The following ATP2B1 variants were observed in gnomAD, a reference collection of about 807,000 sequenced individuals.
The protein encoded by ATP2B1 is ATPase plasma membrane Ca2+ transporting 1.
A neutral mutation model predicts 124.2 loss-of-function variants in ATP2B1; 14 were observed. The observed-to-expected ratio is 0.11, with a 90% CI of 0.07 to 0.18. ATP2B1 has a LOEUF of 0.18. ATP2B1 is among the 10% of genes least tolerant of loss of function. ATP2B1 has a pLI of 1.00. For synonymous variants in ATP2B1, 449 were observed against 492.4 expected (o/e 0.91, Z 1.17); for missense variants, 763 against 1,466.1 (o/e 0.52, Z 7.83).
intron 1 of ATP2B1, among the ~76,000 whole-genome samples, chr12:89,670,798 A>T (rs2136515269): frequency 6.6e-6 from 1 of 152,292 alleles, no homozygotes; most frequent in East Asian, 1.9e-4. Context: ...AAGTACAAGT[A>T]ATCATTCGCC....
In ATP2B1 at chr12:89,630,942, A is replaced by T. The variant is rs535746155; in HGVS notation, c.788-297T>A. ...GCCACTACACTCTGCTAATTTTTTT[A>T]AAAAAATTTTGTAGAGACAGGGTCT... On this transcript the variant is annotated intron_variant, in intron 5 of 20. Transcript: ENST00000428670. Among the ~76,000 whole-genome samples, 8 of 151,670 alleles carry T rather than the reference A, an allele frequency of 5.3e-5. No homozygotes were observed. The East Asian group carries it at 5.8e-4, about 11-fold the overall frequency.
intron 1 of ATP2B1, among the ~76,000 whole-genome samples, chr12:89,702,954 T>C (rs948103955): frequency 2.6e-5 from 4 of 152,090 alleles, no homozygotes; most frequent in Admixed American, 1.3e-4. Flanking sequence ...GTGCCCACAG[T>C]TTATTTGGAC....
chr12:89,707,287 T>C (rs1892580872), intron 1 of ATP2B1, among the ~76,000 whole-genome samples: 1 of 152,108 alleles, frequency 6.6e-6, no homozygotes, highest in Non-Finnish European at 1.5e-5. Flanking sequence ...GATGAGAGCC[T>C]CATACAAACC....
chr12:89,636,278 T>C (rs1882698209), intron 3 of ATP2B1, among the ~76,000 whole-genome samples: 1 of 152,036 alleles, frequency 6.6e-6, no homozygotes, highest in Non-Finnish European at 1.5e-5. Flanking sequence ...TGGTGAAGAA[T>C]AACAGAACAG....
At chr12:89,608,510 C>T (rs1345282083) in intron 15 of ATP2B1, among the ~76,000 whole-genome samples, 1 of 147,072 alleles carries the variant, frequency 6.8e-6, no homozygotes, top group African/African-American at 2.5e-5. Flanking sequence ...TTGATGTTAT[C>T]ATTTAAAAAA....
intron 1 of ATP2B1, among the ~76,000 whole-genome samples, chr12:89,700,484 A>G (rs531868023): frequency 2.0e-5 from 3 of 152,324 alleles, no homozygotes; most frequent in Admixed American, 2.0e-4. Context: ...TTTGAGCATG[A>G]ATAGAGAAGA....
chr12:89,685,187 A>T (rs1362667480), intron 1 of ATP2B1, among the ~76,000 whole-genome samples: 11 of 98,216 alleles, frequency 1.1e-4, no homozygotes, highest in Non-Finnish European at 2.3e-4. Context: ...GGTGATAAGT[A>T]GTCTGGGACT....
chr12:89,703,296 G>A (rs1463277891), intron 1 of ATP2B1, among the ~76,000 whole-genome samples: 3 of 152,212 alleles, frequency 2.0e-5, no homozygotes, highest in African/African-American at 7.2e-5. Flanking sequence ...AGTCAGAGTA[G>A]ATTGGTGAAC....
chr12:89,602,961 C>G lies in ATP2B1; in HGVS notation c.3060+82G>C. 3.2e-6 allele frequency: 4 copies of G among 1,231,764 alleles called. No individual in the cohort carries two copies. In the South Asian group the frequency reaches 5.5e-5, roughly 17 times the overall value. The allele number at this position is 1,231,764 out of a possible 1,614,324, so 76.3% of individuals were successfully genotyped here. The stretch of plus-strand genomic sequence containing the variant: ...GCAACAGTTCCACACATGTTCCACA[C>G]AAGTGATTGCTAGAACAAGCTGTTT... On this transcript the variant is annotated intron_variant, in intron 18 of 20. Coordinates refer to ENST00000428670, the MANE Select transcript of ATP2B1 (RefSeq NM_001366521.1).
At position 89,590,015 on chromosome 12, in the gene ATP2B1, G is replaced by T. The variant is rs1197318148; in HGVS notation, c.*969C>A. 1 of 152,380 alleles carries T rather than the reference G, an allele frequency of 6.6e-6. No homozygotes were observed. Among genetic ancestry groups the T allele is most frequent in the Non-Finnish European group, 1.5e-5 (1 of 67,944 alleles). 9.4% of individuals were successfully genotyped at this position (152,380 alleles called of 1,614,324 possible). On this transcript the variant is annotated 3_prime_UTR_variant, in exon 21 of 21. Coordinates refer to ENST00000428670, the MANE Select transcript of ATP2B1 (RefSeq NM_001366521.1). ...AACATGTTTAGACAAAAACAAAAAA[G>T]ACTAAGGTTCTCTTGTAGTTTGATA...
At chr12:89,617,475 C>T (rs1320919436) in intron 11 of ATP2B1, among the ~76,000 whole-genome samples, 1 of 152,058 alleles carries the variant, frequency 6.6e-6, no homozygotes, top group Non-Finnish European at 1.5e-5. Flanking sequence ...GATGTTGTTT[C>T]ATCACCTATA....
At chr12:89,663,582 CTT>C (rs1592909536) in intron 1 of ATP2B1, among the ~76,000 whole-genome samples, 2 of 152,228 alleles carry the variant, frequency 1.3e-5, no homozygotes, top group South Asian at 4.1e-4. Context: ...AAAAAAAACA[CTT>C]AACTCCACAT....
intron 2 of ATP2B1, among the ~76,000 whole-genome samples, chr12:89,643,041 G>A (rs866900924): frequency 2.6e-4 from 37 of 143,712 alleles, no homozygotes; most frequent in African/African-American, 8.6e-4. Flanking sequence ...CCACAAAACT[G>A]GGAAGTTTAT....
intron 2 of ATP2B1, among the ~76,000 whole-genome samples, chr12:89,648,266 G>A (rs970130223): frequency 3.9e-5 from 6 of 152,150 alleles, no homozygotes; most frequent in Non-Finnish European, 8.8e-5. Context: ...CTGGTTAAAC[G>A]GTTCTGACCA....
intron 5 of ATP2B1, among the ~76,000 whole-genome samples, chr12:89,633,763 G>C (rs1232472320): frequency 6.6e-6 from 1 of 152,080 alleles, no homozygotes; most frequent in Admixed American, 6.6e-5. Context: ...GCAATCATCT[G>C]ACAATGTATA....
intron 1 of ATP2B1, among the ~76,000 whole-genome samples, chr12:89,676,338 G>A (rs566230539): frequency 5.9e-5 from 9 of 152,168 alleles, no homozygotes; most frequent in Non-Finnish European, 1.0e-4. Context: ...TACTGGTGAT[G>A]TATTTTGTCA....
At chr12:89,615,990 C>T (rs1404603057) in intron 12 of ATP2B1, among the ~76,000 whole-genome samples, 1 of 152,116 alleles carries the variant, frequency 6.6e-6, no homozygotes, top group Non-Finnish European at 1.5e-5. Flanking sequence ...ATATGGCACA[C>T]AGTGAGAACT....
rs755865284 is a variant in ATP2B1, at chr12:89,635,062, C to G, written c.596G>C (p.Gly199Ala). Residue 199 changes from glycine (G) to alanine (A), a missense_variant, in exon 4 of 21, where the codon GGT (glycine) becomes GCT (alanine). Around this residue, in one of 7 missense-constraint regions of ATP2B1, gnomAD observed 392 missense variants for 776.6 expected, o/e 0.50. Transcript: ENST00000428670. Reference sequence around the variant, plus strand: ...TACAGGTATCTGAATGACCTGACCACCCCTGATGACAGTGAACTTCTGTTC... The same window carrying G: ...TACAGGTATCTGAATGACCTGACCAGCCCTGATGACAGTGAACTTCTGTTC... ...EQEQKFTVIR[G>A]GQVIQIPVAD... The G allele has an allele frequency of 1.9e-6, 3 of 1,614,004 alleles. No homozygotes were observed. Among genetic ancestry groups the G allele is most frequent in the Non-Finnish European group, 2.5e-6 (3 of 1,179,900 alleles).
At chr12:89,591,991 T>C (rs928822541) in intron 20 of ATP2B1, among the ~76,000 whole-genome samples, 17 of 152,142 alleles carry the variant, frequency 1.1e-4, no homozygotes, top group Middle Eastern at 6.8e-3. Flanking sequence ...CTGGAAAGAA[T>C]AGATCAAAAA....
Sources: gnomAD v4.1 joint callset for allele counts (sites outside exome capture counted in the v4.1 genomes callset) on GRCh38, gnomAD v4.1.1 for gene constraint, gnomAD v4.1.1 regional missense constraint, MANE v1.5 for transcripts, NCBI Gene and HGNC (gene_info 2026-07-23, HGNC 2026-07-21) for gene names.